EBF1: variants seen among roughly 807,000 people sequenced by gnomAD.
EBF1 encodes EBF transcription factor 1.
EBF1 carries 10 observed loss-of-function variants against 68.4 expected under a neutral mutation model. The ratio of observed to expected loss-of-function variants is 0.15; its 90% confidence interval spans 0.09 to 0.25. The LOEUF (loss-of-function observed/expected upper bound fraction) is 0.25. Among genes scored for constraint, EBF1 ranks in the 10% least tolerant of loss-of-function variants. The pLI, the probability that EBF1 is intolerant of heterozygous loss-of-function variation, is 1.00. For missense variants in EBF1, 509 were observed against 794.4 expected (o/e 0.64, Z 4.32); for synonymous variants, 298 against 299.8 (o/e 0.99, Z 0.06).
chr5:159,075,368 A>G (rs1778572021), intron 5 of EBF1, among the ~76,000 whole-genome samples: 1 of 152,180 alleles, frequency 6.6e-6, no homozygotes, highest in Non-Finnish European at 1.5e-5. Context: ...AAAGCAGCCC[A>G]TCGACAGAGC....
intron 12 of EBF1, 113 bp from the exon 13 acceptor site, chr5:158,713,260 C>A (rs1488158790): frequency 4.4e-6 from 4 of 919,230 alleles, no homozygotes; most frequent in Non-Finnish European, 5.8e-6. Context: ...GCTGCATTAA[C>A]TTCTGTGACC....
At chr5:159,063,136 A>G (rs1267221742) in intron 6 of EBF1, among the ~76,000 whole-genome samples, 1 of 152,178 alleles carries the variant, frequency 6.6e-6, no homozygotes, top group Admixed American at 6.5e-5. Flanking sequence ...CTAAGCATCT[A>G]GTACACAGGA....
intron 6 of EBF1, among the ~76,000 whole-genome samples, chr5:158,856,934 G>T (rs1039359906): frequency 6.6e-6 from 1 of 152,158 alleles, no homozygotes; most frequent in Non-Finnish European, 1.5e-5. Context: ...CTTAGATACT[G>T]CATGGTAAAA....
At chr5:158,914,616 AG>A (rs1167850541) in intron 6 of EBF1, among the ~76,000 whole-genome samples, 4 of 151,902 alleles carry the variant, frequency 2.6e-5, no homozygotes, top group East Asian at 3.9e-4. Context: ...AAAGAAAAGG[AG>A]GGGGGGAAAT....
At chr5:158,753,876 G>GTT (rs1455973360) in intron 10 of EBF1, among the ~76,000 whole-genome samples, 2 of 151,974 alleles carry the variant, frequency 1.3e-5, no homozygotes, top group Admixed American at 1.3e-4. Context: ...ACCTGCATGA[G>GTT]TATTCTATAA....
At chr5:158,830,715 T>C (rs1685791655) in intron 7 of EBF1, among the ~76,000 whole-genome samples, 1 of 152,244 alleles carries the variant, frequency 6.6e-6, no homozygotes, top group Non-Finnish European at 1.5e-5. Flanking sequence ...AGGTCTTCAT[T>C]AACTTTGTCC....
chr5:158,714,246 G>A, intron 11 of EBF1, 64 bp from the exon 12 acceptor site: 1 of 1,577,162 alleles, frequency 6.3e-7, no homozygotes, highest in Non-Finnish European at 8.7e-7. Flanking sequence ...CTTTTGACAT[G>A]ATCACATTCC....
intron 6 of EBF1, among the ~76,000 whole-genome samples, chr5:158,938,563 G>T (rs1184586565): frequency 6.6e-6 from 1 of 152,214 alleles, no homozygotes; most frequent in Non-Finnish European, 1.5e-5. Flanking sequence ...CAGTTCTGAA[G>T]GCTGAGAAGT....
chr5:158,866,833 GTATATATATA>G (rs70987938), intron 6 of EBF1, among the ~76,000 whole-genome samples: 43 of 92,790 alleles, frequency 4.6e-4, no homozygotes, highest in East Asian at 9.9e-4. Context: ...ATATGTATAT[GTATATATATA>G]TATATATATA....
chr5:158,824,437 A>C (rs921831161), intron 7 of EBF1, among the ~76,000 whole-genome samples: 3 of 152,224 alleles, frequency 2.0e-5, no homozygotes, highest in African/African-American at 7.2e-5. Flanking sequence ...AATGAAAGAC[A>C]ATGGCAAGAG....
chr5:158,795,728 A>G (rs1261674991), intron 9 of EBF1, among the ~76,000 whole-genome samples: 2 of 152,134 alleles, frequency 1.3e-5, no homozygotes, highest in East Asian at 3.9e-4. Context: ...AAGAACAATC[A>G]CAGTGCTTGG....
At chr5:159,080,313 C>A (rs563329770) in intron 5 of EBF1, among the ~76,000 whole-genome samples, 14 of 152,312 alleles carry the variant, frequency 9.2e-5, no homozygotes, top group South Asian at 8.3e-4. Context: ...TTTGCCTCAA[C>A]CTCTCATCAC....
chr5:159,034,965 TG>T (rs1769733277), intron 6 of EBF1, among the ~76,000 whole-genome samples: 1 of 152,202 alleles, frequency 6.6e-6, no homozygotes, highest in Non-Finnish European at 1.5e-5. Flanking sequence ...CTTCACATGG[TG>T]CTCTTTGGAA....
At chr5:158,910,434 G>A (rs1467625785) in intron 6 of EBF1, among the ~76,000 whole-genome samples, 2 of 152,142 alleles carry the variant, frequency 1.3e-5, no homozygotes, top group Non-Finnish European at 2.9e-5. Context: ...GAAGAAGGTG[G>A]GTCACCATTA....
intron 10 of EBF1, among the ~76,000 whole-genome samples, chr5:158,762,798 G>A (rs1771773349): frequency 6.6e-6 from 1 of 152,158 alleles, no homozygotes; most frequent in African/African-American, 2.4e-5. Flanking sequence ...GCCTCCCAAA[G>A]TGCTGGGATT....
At chr5:158,712,910 A>G (rs1051853727) in intron 13 of EBF1, 60 bp downstream of exon 13, 1 of 1,381,302 alleles carries the variant, frequency 7.2e-7, no homozygotes, top group African/African-American at 1.5e-5. Flanking sequence ...GTTCATGACC[A>G]ATAAATGAGG....
intron 6 of EBF1, among the ~76,000 whole-genome samples, chr5:159,040,828 A>C (rs576018847): frequency 6.6e-6 from 1 of 152,330 alleles, no homozygotes; most frequent in Non-Finnish European, 1.5e-5. Context: ...ACAGCATATG[A>C]ATCTATTCTC....
At chr5:158,883,935 A>G (rs1371219172) in intron 6 of EBF1, among the ~76,000 whole-genome samples, 1 of 152,114 alleles carries the variant, frequency 6.6e-6, no homozygotes, top group Non-Finnish European at 1.5e-5. Context: ...GCACAGCAAA[A>G]AGTTAGGAAG....
intron 6 of EBF1, among the ~76,000 whole-genome samples, chr5:158,992,268 T>C (rs1437898237): frequency 6.6e-6 from 1 of 151,408 alleles, no homozygotes; most frequent in Non-Finnish European, 1.5e-5. Context: ...TGCAAGTCAC[T>C]GTACTGTGCT....
Sources: gnomAD v4.1 joint callset for allele counts (sites outside exome capture counted in the v4.1 genomes callset) on GRCh38, gnomAD v4.1.1 for gene constraint, MANE v1.5 for transcripts, NCBI Gene and HGNC (gene_info 2026-07-23, HGNC 2026-07-21) for gene names.